The following GTF2IRD1 variants were observed in gnomAD, a reference collection of about 807,000 sequenced individuals.
The protein encoded by GTF2IRD1 is GTF2I repeat domain containing 1.
Under a neutral mutation model 113.2 loss-of-function variants are expected in GTF2IRD1, and 26 were observed. That is an observed-to-expected ratio of 0.23 (90% CI 0.17 to 0.32). The LOEUF (loss-of-function observed/expected upper bound fraction) is 0.32, where lower values mean the gene tolerates loss of function less well. GTF2IRD1 is among the 10% of genes least tolerant of loss of function. The pLI is 1.00. For missense variants in GTF2IRD1, 864 were observed against 1,280.8 expected (o/e 0.67, Z 4.97); for synonymous variants, 484 against 529.1 (o/e 0.91, Z 1.17).
At position 74,559,778 on chromosome 7, in the gene GTF2IRD1, CCTTT is replaced by C. The variant is rs1466667394; in HGVS notation, c.2320+128_2320+131del. The C allele has an allele frequency of 6.0e-5, 45 of 747,290 alleles. No individual in the cohort carries two copies. In the East Asian group the frequency reaches 1.1e-3, roughly 18 times the overall value. The allele number at this position is 747,290 out of a possible 1,614,324, so 46.3% of individuals were successfully genotyped here. A position where few individuals can be genotyped will look rare whatever the true frequency, so the allele number is the denominator to read the frequency against. On this transcript the variant is annotated intron_variant, in intron 22 of 26. Coordinates refer to ENST00000424337, the MANE Select transcript of GTF2IRD1 (RefSeq NM_005685.4). ...TCTGGGAACAGAAGCCAGGCCCCTGCCTTTCTTTTTTTTTTTTCTGAGGCAGAGT... is the reference window on the plus strand; with the variant it reads ...TCTGGGAACAGAAGCCAGGCCCCTGCCTTTTTTTTTTTTCTGAGGCAGAGT...
chr7:74,536,224 C>G lies in GTF2IRD1; in HGVS notation c.1358C>G (p.Thr453Ser). 1 of 1,613,718 alleles carries G rather than the reference C, an allele frequency of 6.2e-7. No homozygotes were observed. The highest frequency in any genetic ancestry group is 8.5e-7 in the Non-Finnish European group (1 of 1,179,656). ...KLEPASPPEDTSAEVSRATVL... is the reference protein window; with the variant it reads ...KLEPASPPEDSSAEVSRATVL... ...GAGCCAGCCAGCCCGCCAGAGGACA[C>G]CTCTGCAGAGGTCTCTAGGGCCACC... is the stretch of plus-strand genomic sequence containing the variant. Residue 453 changes from threonine (T) to serine (S), a missense_variant, in exon 11 of 27, where the codon ACC (threonine) becomes AGC (serine). Physicochemically the swap from Thr to Ser is moderately conservative, Grantham distance 58. Around this residue, in one of 7 missense-constraint regions of GTF2IRD1, gnomAD observed 218 missense variants for 352.6 expected, o/e 0.62. Coordinates refer to ENST00000424337, the MANE Select transcript of GTF2IRD1 (RefSeq NM_005685.4).
rs548403627 is a variant in GTF2IRD1 at position 74,488,340 on chromosome 7, C to T, written c.-6-19735C>T. On this transcript the variant is annotated intron_variant, in intron 1 of 26. Coordinates refer to ENST00000424337, the MANE Select transcript of GTF2IRD1 (RefSeq NM_005685.4). ...CAAATCTTGCTCTGGGTATCAAAAT[C>T]GGATGTAGGCTCTTCAGCTGCAGTT... Among the ~76,000 whole-genome samples, 26 of 152,214 alleles carry T rather than the reference C, an allele frequency of 1.7e-4. 1 individual carries two copies. Among genetic ancestry groups the T allele is most frequent in the African/African-American group, 5.3e-4 (22 of 41,560 alleles).
At chr7:74,520,517 A>G (rs1218480568) in intron 6 of GTF2IRD1, among the ~76,000 whole-genome samples, 1 of 152,146 alleles carries the variant, frequency 6.6e-6, no homozygotes, top group Non-Finnish European at 1.5e-5. Context: ...AGAGAGGGTT[A>G]GAAATGCATA....
intron 1 of GTF2IRD1, among the ~76,000 whole-genome samples, chr7:74,498,774 G>A (rs1795867153): frequency 1.3e-5 from 2 of 150,344 alleles, no homozygotes; most frequent in African/African-American, 4.9e-5. Context: ...TTTCACCCAG[G>A]CTGGAGTGCA....
intron 19 of GTF2IRD1, among the ~76,000 whole-genome samples, chr7:74,556,686 C>T (rs1168309102): frequency 5.6e-4 from 77 of 137,424 alleles, no homozygotes; most frequent in Middle Eastern, 4.2e-3. Context: ...TGCAGTGGTG[C>T]GATCTTGGCT....
rs781948929 is a variant in GTF2IRD1, at chr7:74,529,758, T to C, written c.1115T>C (p.Met372Thr). 17 of 1,613,948 alleles carry C rather than the reference T, an allele frequency of 1.1e-5. No individual in the cohort carries two copies. Among genetic ancestry groups the C allele is most frequent in the Non-Finnish European group, 6.8e-6 (8 of 1,180,006 alleles). The change falls in exon 9 of 27, where the codon ATG becomes ACG. Residue 372 changes from methionine to threonine, a missense_variant. Physicochemically the swap from Met to Thr is moderately conservative, Grantham distance 81 (BLOSUM62 -1). This residue lies in a region of GTF2IRD1 where 218 missense variants were observed against 352.6 expected (regional missense o/e 0.62). Coordinates refer to ENST00000424337, the MANE Select transcript of GTF2IRD1 (RefSeq NM_005685.4). ...GCGGAAGCCCTGGGCCTGGACCACA[T>C]GGTCCCCGTGCCCTACCGGAAGATT... ...RYAEALGLDHMVPVPYRKIAC... is the reference protein window; with the variant it reads ...RYAEALGLDHTVPVPYRKIAC...
chr7:74,599,057 G>C (rs1165209089), intron 25 of GTF2IRD1, among the ~76,000 whole-genome samples: 1 of 152,178 alleles, frequency 6.6e-6, no homozygotes, highest in Non-Finnish European at 1.5e-5. Context: ...CACTTTGGGA[G>C]GCTGAAGCAG....
chr7:74,593,680 C>T (rs587747616), intron 24 of GTF2IRD1, among the ~76,000 whole-genome samples: 1 of 149,558 alleles, frequency 6.7e-6, no homozygotes, highest in African/African-American at 2.5e-5. Flanking sequence ...TTGCAGTGAG[C>T]CAAGATAGTG....
chr7:74,562,358 T>G (rs1182695335), intron 22 of GTF2IRD1, among the ~76,000 whole-genome samples: 2 of 152,044 alleles, frequency 1.3e-5, no homozygotes, highest in African/African-American at 4.8e-5. Context: ...CTTCAGGGTC[T>G]TAGGCAGCAT....
intron 1 of GTF2IRD1, among the ~76,000 whole-genome samples, chr7:74,495,673 G>A (rs573605609): frequency 1.1e-4 from 17 of 152,148 alleles, no homozygotes; most frequent in Non-Finnish European, 2.1e-4. Context: ...GAGCCCAACC[G>A]AGGGGCACAA....
intron 24 of GTF2IRD1, among the ~76,000 whole-genome samples, chr7:74,592,776 G>A (rs1376474232): frequency 3.3e-5 from 5 of 151,722 alleles, no homozygotes; most frequent in Non-Finnish European, 7.4e-5. Context: ...CAGGTGATCT[G>A]CCCACCTCAG....
At chr7:74,577,176 T>C (rs1801124379) in intron 22 of GTF2IRD1, among the ~76,000 whole-genome samples, 6 of 152,192 alleles carry the variant, frequency 3.9e-5, no homozygotes, top group Admixed American at 3.9e-4. Flanking sequence ...TAGCTGTGAC[T>C]ACAAGCGTGC....
At chr7:74,459,989 G>A (rs1352786156) in intron 1 of GTF2IRD1, among the ~76,000 whole-genome samples, 5 of 150,122 alleles carry the variant, frequency 3.3e-5, no homozygotes, top group African/African-American at 9.8e-5. Context: ...TTTTTAATTT[G>A]TATTGAAATG....
intron 22 of GTF2IRD1, among the ~76,000 whole-genome samples, chr7:74,572,738 C>T (rs587600341): frequency 1.3e-5 from 2 of 152,236 alleles, no homozygotes; most frequent in South Asian, 4.1e-4. Flanking sequence ...ATAAAGCCAC[C>T]CTTTCTCAAG....
intron 14 of GTF2IRD1, among the ~76,000 whole-genome samples, chr7:74,544,311 G>C (rs587617403): frequency 6.6e-6 from 1 of 152,194 alleles, no homozygotes; most frequent in East Asian, 1.9e-4. Context: ...TCAGCCTCCC[G>C]AGTAGCTGGG....
chr7:74,589,790 G>A, intron 22 of GTF2IRD1, 61 bp from the exon 23 acceptor site: 3 of 991,492 alleles, frequency 3.0e-6, no homozygotes, highest in Non-Finnish European at 4.9e-6. Flanking sequence ...GGTGGGAGAA[G>A]CAGCAGGTCC....
intron 1 of GTF2IRD1, among the ~76,000 whole-genome samples, chr7:74,471,896 G>A (rs1794133951): frequency 6.6e-6 from 1 of 151,974 alleles, no homozygotes; most frequent in African/African-American, 2.4e-5. Flanking sequence ...GGAGGCTGAG[G>A]CAGGAGAATT....
At chr7:74,520,089 CAAAAAAAA>C (rs61019711) in intron 6 of GTF2IRD1, among the ~76,000 whole-genome samples, 8 of 24,574 alleles carry the variant, frequency 3.3e-4, no homozygotes, top group African/African-American at 8.2e-4. Flanking sequence ...AGCTCTGTCT[CAAAAAAAA>C]AAAAAAAAAA....
At chr7:74,554,460 C>T (rs1268199705) in intron 17 of GTF2IRD1, among the ~76,000 whole-genome samples, 1 of 152,234 alleles carries the variant, frequency 6.6e-6, no homozygotes, top group Non-Finnish European at 1.5e-5. Flanking sequence ...AACACAGCAG[C>T]TCTCAGACGT....
Sources: allele counts gnomAD v4.1 joint callset (sites outside exome capture counted in the v4.1 genomes callset), GRCh38; gene constraint gnomAD v4.1.1; regional missense constraint gnomAD v4.1.1; transcripts MANE v1.5; gene names NCBI Gene and HGNC (gene_info 2026-07-23, HGNC 2026-07-21).